CIMIP3: variants seen among roughly 807,000 people sequenced by gnomAD.
The protein encoded by CIMIP3 is GUCA1A neighbor.
the CIMIP3 span, among the ~76,000 whole-genome samples, chr6:42,162,264 A>G: frequency 1.3e-5 from 2 of 151,416 alleles, no homozygotes; most frequent in African/African-American, 2.4e-5. Context: ...AAATACAAAA[A>G]TTAGCCGGGC....
At chr6:42,162,026 G>A in the CIMIP3 span, among the ~76,000 whole-genome samples, 1 of 149,908 alleles carries the variant, frequency 6.7e-6, no homozygotes, top group Non-Finnish European at 1.5e-5. Flanking sequence ...ACAAGAGGTA[G>A]ACTGTGTGGC....
chr6:42,157,002 C>G, the CIMIP3 span, among the ~76,000 whole-genome samples: 1 of 152,302 alleles, frequency 6.6e-6, no homozygotes, highest in Admixed American at 6.5e-5. Context: ...TGCCTATGGC[C>G]CTGGAGGATT....
chr6:42,158,294 TG>T, the CIMIP3 span, among the ~76,000 whole-genome samples: 2 of 152,178 alleles, frequency 1.3e-5, no homozygotes, highest in Non-Finnish European at 2.9e-5. Flanking sequence ...GTTAGTCACT[TG>T]GAGGCTGGCT....
the CIMIP3 span, among the ~76,000 whole-genome samples, chr6:42,161,086 G>A: frequency 2.6e-5 from 4 of 152,200 alleles, no homozygotes; most frequent in African/African-American, 9.7e-5. Context: ...TACTCGGGAG[G>A]GTGAGGCAGG....
the CIMIP3 span, chr6:42,162,813 T>C: frequency 9.0e-6 from 5 of 553,104 alleles, no homozygotes; most frequent in South Asian, 2.5e-5. Flanking sequence ...AGAGTGGCTC[T>C]GGGGGCTTCT....
the CIMIP3 span, among the ~76,000 whole-genome samples, chr6:42,160,346 C>G: frequency 1.4e-4 from 22 of 152,278 alleles, no homozygotes; most frequent in South Asian, 4.6e-3. Context: ...GCCCCTCTGC[C>G]TATAAGCCCC....
chr6:42,160,127 A>G, the CIMIP3 span, among the ~76,000 whole-genome samples: 1 of 151,536 alleles, frequency 6.6e-6, no homozygotes, highest in Non-Finnish European at 1.5e-5. Flanking sequence ...CTAGGACCAT[A>G]GGTGCATGCC....
chr6:42,162,608 A>G, the CIMIP3 span, among the ~76,000 whole-genome samples: 12,624 of 148,804 alleles, frequency 0.085, 686 homozygotes, highest in South Asian at 0.14. Context: ...AAGGACACGG[A>G]CAGACGATTG....
the CIMIP3 span, among the ~76,000 whole-genome samples, chr6:42,157,922 G>A: frequency 6.6e-6 from 1 of 152,124 alleles, no homozygotes; most frequent in Admixed American, 6.6e-5. Context: ...GACATTGGAC[G>A]CTGATGATTC....
At chr6:42,162,149 C>T in the CIMIP3 span, among the ~76,000 whole-genome samples, 7 of 133,160 alleles carry the variant, frequency 5.3e-5, no homozygotes, top group African/African-American at 1.4e-4. Context: ...CGCAGTGGCT[C>T]ACGCCTGTTA....
At chr6:42,161,622 T>C in the CIMIP3 span, among the ~76,000 whole-genome samples, 2 of 151,900 alleles carry the variant, frequency 1.3e-5, no homozygotes, top group African/African-American at 2.4e-5. Context: ...CTCCTAGAGA[T>C]TGAGTAGACC....
chr6:42,162,225 C>A, the CIMIP3 span, among the ~76,000 whole-genome samples: 5 of 148,890 alleles, frequency 3.4e-5, no homozygotes, highest in Non-Finnish European at 4.4e-5. Context: ...ACCAGCCTGG[C>A]CAACATGGTG....
chr6:42,162,349 A>G, the CIMIP3 span, among the ~76,000 whole-genome samples: 1 of 149,678 alleles, frequency 6.7e-6, no homozygotes, highest in Admixed American at 6.7e-5. Flanking sequence ...CAGGAGGCGG[A>G]GGTTGCAGTG....
chr6:42,156,306 C>CTTTTTTTTTTTTTTT, the CIMIP3 span, among the ~76,000 whole-genome samples: 1 of 137,100 alleles, frequency 7.3e-6, no homozygotes, highest in African/African-American at 2.7e-5. Flanking sequence ...ATTTTTTTTT[C>CTTTTTTTTTTTTTTT]TTTTTTTTTT....
the CIMIP3 span, among the ~76,000 whole-genome samples, chr6:42,159,650 C>T: frequency 1.4e-4 from 21 of 152,212 alleles, no homozygotes; most frequent in Admixed American, 1.3e-3. Flanking sequence ...TGGCTAATCA[C>T]CTGCCACCCA....
the CIMIP3 span, among the ~76,000 whole-genome samples, chr6:42,161,060 TGCCTGTAATCCCAC>T: frequency 6.6e-6 from 1 of 152,124 alleles, no homozygotes; most frequent in African/African-American, 2.4e-5. Flanking sequence ...TGGTGGCGCA[TGCCTGTAATCCCAC>T]CTACTCGGGA....
chr6:42,162,631 G>C, the CIMIP3 span, among the ~76,000 whole-genome samples: 1 of 151,828 alleles, frequency 6.6e-6, no homozygotes, highest in African/African-American at 2.4e-5. Context: ...TGCAGGGAAG[G>C]GGGGTGGGGA....
chr6:42,155,877 G>C, the CIMIP3 span, among the ~76,000 whole-genome samples: 1 of 152,174 alleles, frequency 6.6e-6, no homozygotes, highest in Non-Finnish European at 1.5e-5. Flanking sequence ...AGCTCATTAA[G>C]TCCTCACATG....
the CIMIP3 span, among the ~76,000 whole-genome samples, chr6:42,158,482 A>G: frequency 6.6e-6 from 1 of 152,184 alleles, no homozygotes; most frequent in Non-Finnish European, 1.5e-5. Flanking sequence ...ATGTTGCAGC[A>G]GCAGCATTCT....
Sources: gnomAD v4.1 joint callset for allele counts (sites outside exome capture counted in the v4.1 genomes callset) on GRCh38, gnomAD v4.1.1 for gene constraint, MANE v1.5 for transcripts, NCBI Gene and HGNC (gene_info 2026-07-23, HGNC 2026-07-21) for gene names.